GAB1: variants seen among roughly 807,000 people sequenced by gnomAD.
GAB1 encodes the protein GRB2-associated-binding protein 1.
Under a neutral mutation model 66.5 loss-of-function variants are expected in GAB1, and 19 were observed. The ratio of observed to expected loss-of-function variants is 0.29; its 90% confidence interval spans 0.20 to 0.42. GAB1 has a LOEUF of 0.42. Ranked by LOEUF, GAB1 falls within the 10% of genes least tolerant of loss-of-function variation. The probability of loss-of-function intolerance (pLI) is 1.00; values close to 1 mark genes in which losing one functional copy is unlikely to be tolerated. For synonymous variants in GAB1, 294 were observed against 301.4 expected (o/e 0.98, Z 0.25); for missense variants, 732 against 858.5 (o/e 0.85, Z 1.84).
chr4:143,376,628 C>T (rs1730429274), intron 1 of GAB1, among the ~76,000 whole-genome samples: 2 of 152,124 alleles, frequency 1.3e-5, no homozygotes, highest in African/African-American at 2.4e-5. Flanking sequence ...ATTAATATTT[C>T]CTCTGTAGAT....
At chr4:143,455,616 A>G (rs1177343525) in intron 6 of GAB1, among the ~76,000 whole-genome samples, 1 of 152,220 alleles carries the variant, frequency 6.6e-6, no homozygotes, top group East Asian at 1.9e-4. Context: ...GCATTTTGTA[A>G]TTAAACCTGG....
intron 3 of GAB1, among the ~76,000 whole-genome samples, chr4:143,435,554 T>C (rs888720851): frequency 6.6e-6 from 1 of 152,242 alleles, no homozygotes; most frequent in African/African-American, 2.4e-5. Context: ...GTACAACTTA[T>C]GCTCAAAATC....
At chr4:143,390,012 T>C (rs911800811) in intron 1 of GAB1, among the ~76,000 whole-genome samples, 2 of 152,228 alleles carry the variant, frequency 1.3e-5, no homozygotes, top group Non-Finnish European at 2.9e-5. Context: ...TAGTGTTGTG[T>C]AACAGTGTTT....
At chr4:143,390,662 G>A (rs1351065607) in intron 1 of GAB1, among the ~76,000 whole-genome samples, 1 of 152,134 alleles carries the variant, frequency 6.6e-6, no homozygotes, top group Non-Finnish European at 1.5e-5. Context: ...TTATGATTAA[G>A]CCTATGCTGC....
intron 1 of GAB1, chr4:143,395,310 G>A (rs1428243933): frequency 1.3e-5 from 2 of 152,528 alleles, no homozygotes; most frequent in African/African-American, 4.8e-5. Context: ...AGTGGAACAT[G>A]TTCAATAAAT....
At chr4:143,451,421 A>G (rs1016547013) in intron 6 of GAB1, among the ~76,000 whole-genome samples, 2 of 152,132 alleles carry the variant, frequency 1.3e-5, no homozygotes, top group Admixed American at 6.6e-5. Flanking sequence ...ATAATTTATG[A>G]TAATGAGTTT....
At chr4:143,352,923 G>GA (rs1729287815) in intron 1 of GAB1, among the ~76,000 whole-genome samples, 1 of 152,178 alleles carries the variant, frequency 6.6e-6, no homozygotes, top group African/African-American at 2.4e-5. Context: ...GTCCTCCAAA[G>GA]ACGACATATT....
At chr4:143,346,876 G>C (rs1292238400) in intron 1 of GAB1, among the ~76,000 whole-genome samples, 2 of 152,174 alleles carry the variant, frequency 1.3e-5, no homozygotes, top group African/African-American at 2.4e-5. Context: ...TGGGTATGTA[G>C]GTCATTTACC....
chr4:143,359,944 A>G (rs910134131), intron 1 of GAB1, among the ~76,000 whole-genome samples: 2 of 152,202 alleles, frequency 1.3e-5, no homozygotes, highest in Non-Finnish European at 2.9e-5. Context: ...GCCTTTTTCC[A>G]TGAGTCACTG....
chr4:143,460,940 C>G (rs1735462657), intron 8 of GAB1, among the ~76,000 whole-genome samples: 1 of 152,146 alleles, frequency 6.6e-6, no homozygotes, highest in Admixed American at 6.5e-5. Flanking sequence ...GGCCATGTCA[C>G]AGCACTCTAA....
At chr4:143,390,256 CTAA>C (rs1731118386) in intron 1 of GAB1, among the ~76,000 whole-genome samples, 1 of 151,896 alleles carries the variant, frequency 6.6e-6, no homozygotes, top group South Asian at 2.1e-4. Flanking sequence ...AGGTGTTCAG[CTAA>C]TAATAAGATT....
intron 1 of GAB1, among the ~76,000 whole-genome samples, chr4:143,370,474 T>C (rs1730072646): frequency 6.6e-6 from 1 of 152,196 alleles, no homozygotes; most frequent in South Asian, 2.1e-4. Context: ...GGGGAGTAGA[T>C]TGGAGTTAAG....
intron 1 of GAB1, among the ~76,000 whole-genome samples, chr4:143,376,294 T>C (rs556519873): frequency 3.9e-5 from 6 of 152,344 alleles, no homozygotes; most frequent in Non-Finnish European, 7.3e-5. Flanking sequence ...TACTTTCAGG[T>C]TACTCAAAAT....
intron 1 of GAB1, among the ~76,000 whole-genome samples, chr4:143,370,270 G>C (rs1244033527): frequency 6.6e-6 from 1 of 152,198 alleles, no homozygotes; most frequent in African/African-American, 2.4e-5. Context: ...TGCCTTATAG[G>C]AGCTGAGGTC....
intron 1 of GAB1, among the ~76,000 whole-genome samples, chr4:143,367,719 GTTTTTTTTTT>G (rs71588248): frequency 2.1e-5 from 2 of 94,656 alleles, no homozygotes; most frequent in Non-Finnish European, 4.0e-5. Flanking sequence ...TCAGATGAGG[GTTTTTTTTTT>G]TTTTTTTTTT....
chr4:143,388,428 T>C (rs1578638700), intron 1 of GAB1, among the ~76,000 whole-genome samples: 1 of 152,200 alleles, frequency 6.6e-6, no homozygotes, highest in African/African-American at 2.4e-5. Context: ...TTTTTTTGTG[T>C]GTGCGAGACA....
In GAB1 at chr4:143,456,049, A is replaced by G. The variant is rs1490131962; in HGVS notation, c.1586-3336A>G. ...TGAATCTCATTCATAAAATGAAGAA[A>G]CTAGATTTGTAAGGGCCTTTCACTC... On this transcript the variant is annotated intron_variant, in intron 6 of 9. Transcript: ENST00000262994. 3.3e-5 allele frequency among the ~76,000 whole-genome samples: 5 copies of G among 152,236 alleles called. No homozygotes were observed. In the South Asian group the frequency reaches 8.3e-4, roughly 25 times the overall value.
intron 1 of GAB1, among the ~76,000 whole-genome samples, chr4:143,397,749 A>G (rs979160044): frequency 8.5e-5 from 13 of 152,128 alleles, no homozygotes; most frequent in Admixed American, 5.2e-4. Context: ...AAATTCCCCC[A>G]CTTTCTTCCT....
At chr4:143,367,930 G>T (rs1729957759) in intron 1 of GAB1, among the ~76,000 whole-genome samples, 1 of 151,888 alleles carries the variant, frequency 6.6e-6, no homozygotes, top group African/African-American at 2.4e-5. Flanking sequence ...TCACCGTGTT[G>T]CCCAGGCTGG....
Sources: gnomAD v4.1 joint callset for allele counts (sites outside exome capture counted in the v4.1 genomes callset) on GRCh38, gnomAD v4.1.1 for gene constraint, MANE v1.5 for transcripts, NCBI Gene and HGNC (gene_info 2026-07-23, HGNC 2026-07-21) for gene names.